LDB2: variants seen among roughly 807,000 people sequenced by gnomAD.
LDB2 encodes LIM domain binding 2, also known as LIM domain-binding protein 2.
Under a neutral mutation model 44.3 loss-of-function variants are expected in LDB2, and 12 were observed. That is an observed-to-expected ratio of 0.27 (90% CI 0.17 to 0.44). The LOEUF (loss-of-function observed/expected upper bound fraction) is 0.44, where lower values mean the gene tolerates loss of function less well. Among genes scored for constraint, LDB2 ranks in the 20% least tolerant of loss-of-function variants. The probability of loss-of-function intolerance (pLI) is 1.00; values close to 1 mark genes in which losing one functional copy is unlikely to be tolerated. For missense variants in LDB2, 344 were observed against 473.5 expected (o/e 0.73, Z 2.54); for synonymous variants, 164 against 174.8 (o/e 0.94, Z 0.49).
intron 5 of LDB2, among the ~76,000 whole-genome samples, chr4:16,546,423 T>C (rs997719321): frequency 7.9e-5 from 12 of 152,218 alleles, no homozygotes; most frequent in Admixed American, 3.3e-4. Context: ...TAGATAGATA[T>C]AGTCCCTCAC....
At chr4:16,860,002 G>A (rs996074660) in intron 1 of LDB2, among the ~76,000 whole-genome samples, 2 of 152,170 alleles carry the variant, frequency 1.3e-5, no homozygotes, top group Non-Finnish European at 2.9e-5. Flanking sequence ...AACCATGCCA[G>A]TCATGGAGAT....
In LDB2 at chr4:16,642,767, C is replaced by T. The variant is rs538377131; in HGVS notation, c.236-46892G>A. ...AGATTATGAGCTCCTGGAAAGCAGACATTATCTCTGCCTGCTTGATAGATG... is the reference window on the plus strand; with the variant it reads ...AGATTATGAGCTCCTGGAAAGCAGATATTATCTCTGCCTGCTTGATAGATG... On this transcript the variant is annotated intron_variant, in intron 2 of 7. Transcript: ENST00000304523. Among the ~76,000 whole-genome samples the T allele has an allele frequency of 1.2e-4, 18 of 152,232 alleles. No homozygotes were observed. The South Asian group carries it at 3.3e-3, about 28-fold the overall frequency.
chr4:16,599,551 T>C (rs1029918186), intron 2 of LDB2, among the ~76,000 whole-genome samples: 7 of 152,140 alleles, frequency 4.6e-5, no homozygotes, highest in Admixed American at 4.6e-4. Context: ...CAAACACGGA[T>C]ACCTTGCAGG....
Position 16,542,109 on chromosome 4 carries a change from G to GT in LDB2, c.616-30006_616-30005insA, listed in dbSNP as rs201784453. On this transcript the variant is annotated intron_variant, in intron 5 of 7. Transcript: ENST00000304523. ...CCAATTACATCAGGTGGTGGGGGGGGGGGCGCGAGCAGGAGGGCATAAGAA... is the reference window on the plus strand; with the variant it reads ...CCAATTACATCAGGTGGTGGGGGGGGTGGGCGCGAGCAGGAGGGCATAAGAA... 9.8e-3 allele frequency among the ~76,000 whole-genome samples: 1,432 copies of GT among 146,394 alleles called. 137 individuals are homozygous for GT. The highest frequency in any genetic ancestry group is 0.035 in the African/African-American group (1,358 of 38,792).
chr4:16,836,633 C>G (rs1784924025), intron 1 of LDB2, among the ~76,000 whole-genome samples: 1 of 152,202 alleles, frequency 6.6e-6, no homozygotes, highest in Non-Finnish European at 1.5e-5. Flanking sequence ...CTCCCCTTGT[C>G]TAAGATACCC....
intron 1 of LDB2, among the ~76,000 whole-genome samples, chr4:16,791,511 T>C (rs1319846515): frequency 8.1e-6 from 1 of 123,052 alleles, no homozygotes; most frequent in African/African-American, 3.1e-5. Context: ...GCTGAGGTCA[T>C]GCCTCAGCAC....
intron 1 of LDB2, among the ~76,000 whole-genome samples, chr4:16,775,592 T>C (rs1196694812): frequency 6.6e-6 from 1 of 152,196 alleles, no homozygotes; most frequent in African/African-American, 2.4e-5. Context: ...GTCAGTGACA[T>C]TCAAGATGGG....
At chr4:16,692,409 A>G (rs16893790) in intron 2 of LDB2, among the ~76,000 whole-genome samples, 3,691 of 152,248 alleles carry the variant, frequency 0.024, 163 homozygotes, top group African/African-American at 0.084. Context: ...TTAGGGATGT[A>G]TCTAGTCTAA....
intron 1 of LDB2, among the ~76,000 whole-genome samples, chr4:16,888,167 C>T (rs149772281): frequency 9.8e-5 from 15 of 152,310 alleles, no homozygotes; most frequent in Middle Eastern, 3.4e-3. Flanking sequence ...GAGAAGCATG[C>T]GTCCTTAGAA....
At chr4:16,862,879 T>C (rs1561473050) in intron 1 of LDB2, among the ~76,000 whole-genome samples, 1 of 152,078 alleles carries the variant, frequency 6.6e-6, no homozygotes, top group Non-Finnish European at 1.5e-5. Flanking sequence ...TTTGTGCAAC[T>C]GTTATAAAGA....
intron 5 of LDB2, among the ~76,000 whole-genome samples, chr4:16,542,183 A>T (rs1481991897): frequency 6.6e-6 from 1 of 152,018 alleles, no homozygotes; most frequent in East Asian, 1.9e-4. Flanking sequence ...CTAAGAAAAT[A>T]ATGACTGAAC....
At chr4:16,863,964 C>G (rs1370202017) in intron 1 of LDB2, among the ~76,000 whole-genome samples, 2 of 152,058 alleles carry the variant, frequency 1.3e-5, no homozygotes, top group African/African-American at 4.8e-5. Flanking sequence ...CTGGCACATT[C>G]TCTTCTTGCT....
chr4:16,543,977 T>C (rs1734813308), intron 5 of LDB2, among the ~76,000 whole-genome samples: 1 of 152,160 alleles, frequency 6.6e-6, no homozygotes. Flanking sequence ...TAATAATTAC[T>C]CCATACCCAG....
intron 1 of LDB2, among the ~76,000 whole-genome samples, chr4:16,791,197 T>C (rs1775619784): frequency 6.6e-6 from 1 of 152,288 alleles, no homozygotes; most frequent in South Asian, 2.1e-4. Context: ...TTCATATTTG[T>C]TGTGAACTCA....
chr4:16,614,292 G>T (rs1560636356), intron 2 of LDB2, among the ~76,000 whole-genome samples: 1 of 152,088 alleles, frequency 6.6e-6, no homozygotes, highest in Admixed American at 6.6e-5. Flanking sequence ...AGACTTAAAT[G>T]TAAAACCCAA....
At chr4:16,740,570 C>T (rs916196826) in intron 2 of LDB2, among the ~76,000 whole-genome samples, 1 of 152,204 alleles carries the variant, frequency 6.6e-6, no homozygotes, top group Admixed American at 6.5e-5. Flanking sequence ...CTTTCTGCAT[C>T]GGTTTGATTT....
rs369099225 is a variant in LDB2, at chr4:16,642,948, T to C, written c.236-47073A>G. 7.2e-5 allele frequency among the ~76,000 whole-genome samples: 11 copies of C among 152,300 alleles called. No homozygotes were observed. The East Asian group carries it at 1.9e-3, about 27-fold the overall frequency. On this transcript the variant is annotated intron_variant, in intron 2 of 7. Transcript: ENST00000304523. ...AGATAGTCTTTTTAATTTTTTTCTT[T>C]TTAGGGAATGAGTATGTTCTTCCAC...
At chr4:16,680,426 C>T (rs1747528347) in intron 2 of LDB2, among the ~76,000 whole-genome samples, 1 of 152,204 alleles carries the variant, frequency 6.6e-6, no homozygotes, top group African/African-American at 2.4e-5. Context: ...AGCATAAGTG[C>T]TTGCCTTCTC....
chr4:16,530,111 C>G (rs925706956), intron 5 of LDB2, among the ~76,000 whole-genome samples: 1 of 152,142 alleles, frequency 6.6e-6, no homozygotes, highest in African/African-American at 2.4e-5. Context: ...AAGCAGATAT[C>G]ATAAGACTCC....
Sources: allele counts gnomAD v4.1 joint callset (sites outside exome capture counted in the v4.1 genomes callset), GRCh38; gene constraint gnomAD v4.1.1; transcripts MANE v1.5; gene names NCBI Gene and HGNC (gene_info 2026-07-23, HGNC 2026-07-21).